SUN1: variants seen among roughly 807,000 people sequenced by gnomAD.
The protein encoded by SUN1 is SUN domain-containing protein 1.
Under a neutral mutation model 103.2 loss-of-function variants are expected in SUN1, and 61 were observed. That is an observed-to-expected ratio of 0.59 (90% CI 0.48 to 0.73). The LOEUF (loss-of-function observed/expected upper bound fraction) is 0.73, where lower values mean the gene tolerates loss of function less well. Ranked by LOEUF, SUN1 falls within the 30% of genes least tolerant of loss-of-function variation. SUN1 has a pLI of 0.00. For synonymous variants in SUN1, 490 were observed against 425.7 expected (o/e 1.15, Z -1.86); for missense variants, 1,052 against 1,034.6 (o/e 1.02, Z -0.23).
In SUN1 at chr7:872,464, T is replaced by A; in HGVS notation, c.2149-6T>A. ...CGTTCATAATTGTGTATGGTCTTGT[T>A]TTCAGGGATTAGAAAATGAGTATCA... On this transcript the variant is annotated splice_polypyrimidine_tract_variant and splice_region_variant and intron_variant, in intron 17 of 18. Transcript: ENST00000401592. The A allele has an allele frequency of 6.3e-7, 1 of 1,594,412 alleles. No individual in the cohort carries two copies. The highest frequency in any genetic ancestry group is 8.5e-7 in the Non-Finnish European group (1 of 1,169,804).
At position 872,520 on chromosome 7, in the gene SUN1, G is replaced by A. The variant is rs200378884; in HGVS notation, c.2199G>A (p.Thr733=). ...QEEGQLLGQF[T]YDQDGESLQM... is the part of the protein sequence containing the mutation. ...AAGGGCAGCTTCTGGGACAGTTCAC[G>A]TATGATCAGGATGGGGAGTCGCTCC... The change falls in exon 18 of 19, where the codon ACG becomes ACA. Residue 733 remains threonine (T), a synonymous_variant. Transcript: ENST00000401592. 5,358 of 1,603,006 alleles carry A rather than the reference G, an allele frequency of 3.3e-3. 17 individuals are homozygous for A. The highest frequency in any genetic ancestry group is 4.3e-3 in the Middle Eastern group (26 of 6,052).
chr7:817,674 G>A (rs998314640), intron 1 of SUN1, among the ~76,000 whole-genome samples: 4 of 152,192 alleles, frequency 2.6e-5, no homozygotes, highest in African/African-American at 9.7e-5. Context: ...AGGCTTTTGT[G>A]TGTAATCTGT....
At chr7:839,042 C>T in intron 2 of SUN1, 56 bp downstream of exon 2, 1 of 1,452,268 alleles carries the variant, frequency 6.9e-7, no homozygotes, top group Non-Finnish European at 9.1e-7. Flanking sequence ...TAAAACCAAG[C>T]TTCCATACTT....
In SUN1 at chr7:842,081, A is replaced by T. The variant is rs1313975899; in HGVS notation, c.402A>T (p.Val134=). 3.1e-6 allele frequency: 5 copies of T among 1,614,074 alleles called. No homozygotes were observed. The highest frequency in any genetic ancestry group is 3.4e-6 in the Non-Finnish European group (4 of 1,180,056). ...ATGCTGTGACTCGACGGCCTCCTGT[A>T]TTGGACGAGTCTTGGATTCGTGAAC... The part of the protein sequence containing the change: ...LQDAVTRRPP[V]LDESWIREQT... The change falls in exon 3 of 19, where the codon GTA becomes GTT. Residue 134 remains valine (V), a synonymous_variant. Transcript: ENST00000401592.
At chr7:829,246 G>A (rs569160802), upstream of SUN1, among the ~76,000 whole-genome samples, 24 of 152,356 alleles carry the variant, frequency 1.6e-4, no homozygotes, top group East Asian at 4.6e-3. Context: ...GGTGACCGAG[G>A]CAGCCTCCTC....
At position 838,803 on chromosome 7, in the gene SUN1, G is replaced by A; in HGVS notation, c.83G>A (p.Ser28Asn). 1.3e-6 allele frequency: 2 copies of A among 1,546,128 alleles called. No individual in the cohort carries two copies. Among genetic ancestry groups the A allele is most frequent in the Non-Finnish European group, 1.7e-6 (2 of 1,142,908 alleles). Residue 28 changes from serine (S) to asparagine (N), a missense_variant, in exon 2 of 19, where the codon AGC (serine) becomes AAC (asparagine). Ser to Asn is a conservative substitution (Grantham distance 46). Coordinates refer to ENST00000401592, the MANE Select transcript of SUN1 (RefSeq NM_001130965.3). ...GATGAGCTTTTTCCTTCTAGTTCCA[G>A]CTATTCTTCAGATGCTCTGGATTTT... is the stretch of plus-strand genomic sequence containing the variant. ...NTGYTYALSS[S>N]YSSDALDFET...
intron 1 of SUN1, among the ~76,000 whole-genome samples, chr7:818,844 A>G (rs890592514): frequency 6.8e-6 from 1 of 148,002 alleles, no homozygotes; most frequent in African/African-American, 2.5e-5. Flanking sequence ...ATTCTCATTC[A>G]GGTCCTTCCC....
At position 841,990 on chromosome 7, in the gene SUN1, T is replaced by C. The variant is rs779380234; in HGVS notation, c.311T>C (p.Ile104Thr). ...AGCACAAACAAATCAGCTTTTAGTA[T>C]CAACCACGTGTCAAGGCAGGTCACG... Reference protein sequence around the residue: ...RRSTNKSAFSINHVSRQVTSS... With the variant: ...RRSTNKSAFSTNHVSRQVTSS... Residue 104 changes from isoleucine (I) to threonine (T), a missense_variant, in exon 3 of 19, where the codon ATC (isoleucine) becomes ACC (threonine). Ile to Thr is a moderately conservative substitution (Grantham distance 89, BLOSUM62 -1). Transcript: ENST00000401592. The C allele has an allele frequency of 1.9e-6, 3 of 1,614,084 alleles. No individual in the cohort carries two copies. In the African/African-American group the frequency reaches 4.0e-5, roughly 22 times the overall value.
At chr7:830,465 G>A (rs573907875), upstream of SUN1, among the ~76,000 whole-genome samples, 7 of 152,304 alleles carry the variant, frequency 4.6e-5, no homozygotes, top group Middle Eastern at 3.4e-3. Flanking sequence ...GATAGATTCC[G>A]CATATTTTGT....
chr7:825,609 A>T (rs1173102336), intron 1 of SUN1, among the ~76,000 whole-genome samples: 1 of 152,192 alleles, frequency 6.6e-6, no homozygotes, highest in East Asian at 1.9e-4. Flanking sequence ...TGTTTTGAAT[A>T]ATCAGTTCAT....
At chr7:828,957 C>A (rs955183163), upstream of SUN1, among the ~76,000 whole-genome samples, 1 of 152,224 alleles carries the variant, frequency 6.6e-6, no homozygotes, top group South Asian at 2.1e-4. Flanking sequence ...ACCAGTTAGT[C>A]CGTTTCCTTC....
chr7:841,838 C>T lies in SUN1; in HGVS notation c.267-108C>T, dbSNP rs1810287365. The T allele has an allele frequency of 4.9e-6, 6 of 1,219,774 alleles. No homozygotes were observed. The South Asian group carries it at 8.5e-5, about 17-fold the overall frequency. The allele number at this position is 1,219,774 out of a possible 1,614,324, so 75.6% of individuals were successfully genotyped here. On this transcript the variant is annotated intron_variant, in intron 2 of 18. Coordinates refer to ENST00000401592, the MANE Select transcript of SUN1 (RefSeq NM_001130965.3). The stretch of plus-strand genomic sequence containing the variant: ...AGAAAAGGCATAGGAAAATGGTTTG[C>T]CTTAAAATGCTGTTTATTCCCAGAT...
chr7:849,879 G>C, intron 5 of SUN1: 1 of 1,561,886 alleles, frequency 6.4e-7, no homozygotes, highest in Non-Finnish European at 8.7e-7. Flanking sequence ...GACAGAGTTT[G>C]CTTGTGAATC....
chr7:852,675 A>G lies in SUN1; in HGVS notation c.910+8A>G. On this transcript the variant is annotated splice_region_variant and intron_variant, in intron 8 of 18. Coordinates refer to ENST00000401592, the MANE Select transcript of SUN1 (RefSeq NM_001130965.3). ...CACTCTTCCTTTTACTAGGTAAGTC[A>G]AATCTGGCTGAGTTGCCTCCGATGG... The G allele has an allele frequency of 1.2e-6, 2 of 1,614,230 alleles. No individual in the cohort carries two copies. The highest frequency in any genetic ancestry group is 1.7e-6 in the Non-Finnish European group (2 of 1,180,038).
At chr7:849,959 A>G in intron 5 of SUN1, 1 of 1,601,954 alleles carries the variant, frequency 6.2e-7, no homozygotes, top group Non-Finnish European at 8.5e-7. Context: ...CTCGACGCGC[A>G]CACAGCCGCC....
intron 2 of SUN1, among the ~76,000 whole-genome samples, chr7:840,408 G>T (rs1039276425): frequency 1.6e-4 from 25 of 152,190 alleles, no homozygotes; most frequent in African/African-American, 5.8e-4. Context: ...CAGCTGTACT[G>T]CCACGCCGCG....
chr7:836,020 G>A lies in SUN1; in HGVS notation c.78-2778G>A, dbSNP rs74548043. ...GGCAACTCAGCCATGGAGGCCGGGG[G>A]GCCTGGCAGAAGCCGCTTCAGAGCC... is the stretch of plus-strand genomic sequence containing the variant. On this transcript the variant is annotated intron_variant, in intron 1 of 18. Transcript: ENST00000401592. 0.014 allele frequency among the ~76,000 whole-genome samples: 2,087 copies of A among 152,368 alleles called. 59 individuals are homozygous for A. In the East Asian group the frequency reaches 0.14, roughly 10 times the overall value.
intron 15 of SUN1, among the ~76,000 whole-genome samples, chr7:862,912 G>A (rs562861272): frequency 6.6e-6 from 1 of 152,308 alleles, no homozygotes; most frequent in East Asian, 1.9e-4. Context: ...AGCACTTTAG[G>A]AGACCAAGGC....
Position 857,911 on chromosome 7 carries a change from G to A in SUN1, c.1478G>A (p.Arg493Gln), listed in dbSNP as rs763647876. The A allele has an allele frequency of 1.3e-5, 21 of 1,601,564 alleles. No homozygotes were observed. The highest frequency in any genetic ancestry group is 3.4e-5 in the Admixed American group (2 of 59,634). Residue 493 changes from arginine to glutamine, a missense_variant, in exon 13 of 19, where the codon CGA becomes CAA. Arg to Gln is a conservative substitution (Grantham distance 43). Coordinates refer to ENST00000401592, the MANE Select transcript of SUN1 (RefSeq NM_001130965.3). ...CTAAAGTCAGAGCTGTCCAGCTGGC[G>A]ACACGTGAAGACCGGCTGTGAGACA... ...DQLKSELSSW[R>Q]HVKTGCETVD...
Sources: allele counts gnomAD v4.1 joint callset (sites outside exome capture counted in the v4.1 genomes callset), GRCh38; gene constraint gnomAD v4.1.1; transcripts MANE v1.5; gene names NCBI Gene and HGNC (gene_info 2026-07-23, HGNC 2026-07-21).